ADK: variants seen among roughly 807,000 people sequenced by gnomAD.
ADK encodes the protein N6,N6-dimethyladenosine kinase.
In ADK, 24 loss-of-function variants were observed where a neutral mutation model predicts 44.7. The observed-to-expected ratio is 0.54, with a 90% confidence interval of 0.39 to 0.76. The LOEUF is 0.76. Ranked by LOEUF, ADK falls within the 30% of genes least tolerant of loss-of-function variation. The pLI is 0.00. For synonymous variants in ADK, 128 were observed against 142.6 expected (o/e 0.90, Z 0.73); for missense variants, 321 against 425.1 (o/e 0.76, Z 2.15).
intron 7 of ADK, among the ~76,000 whole-genome samples, chr10:74,567,287 G>A (rs1233627802): frequency 6.6e-6 from 1 of 152,156 alleles, no homozygotes; most frequent in Non-Finnish European, 1.5e-5. Context: ...GATCTGCCAT[G>A]TAAGAATTTT....
chr10:74,268,612 T>G (rs1398055931), intron 3 of ADK, among the ~76,000 whole-genome samples: 1 of 152,214 alleles, frequency 6.6e-6, no homozygotes, highest in Non-Finnish European at 1.5e-5. Context: ...TAAGCATGGT[T>G]ATTACCCAGA....
At chr10:74,200,967 T>G in intron 2 of ADK, 129 bp downstream of exon 2, 1 of 698,016 alleles carries the variant, frequency 1.4e-6, no homozygotes, top group Non-Finnish European at 2.5e-6. Flanking sequence ...TTAAGTTTGG[T>G]GATAGCAAGT....
intron 2 of ADK, among the ~76,000 whole-genome samples, chr10:74,206,141 G>A (rs1843588773): frequency 6.6e-6 from 1 of 152,082 alleles, no homozygotes; most frequent in South Asian, 2.1e-4. Flanking sequence ...AAAGTAAAGA[G>A]CAACTTAAAA....
Position 74,633,300 on chromosome 10 carries a change from A to C in ADK, c.877+32807A>C, listed in dbSNP as rs749812098. On this transcript the variant is annotated intron_variant, in intron 9 of 10. Coordinates refer to ENST00000539909, the MANE Select transcript of ADK (RefSeq NM_006721.4). ...CTTAATATATCTTAGAGATTGTTCC[A>C]TTTTTTTATAGCTGTATAATATTTC... Among the ~76,000 whole-genome samples the C allele has an allele frequency of 3.9e-5, 6 of 152,066 alleles. No individual in the cohort carries two copies. The East Asian group carries it at 7.7e-4, about 19-fold the overall frequency.
At chr10:74,505,858 C>T (rs1848053249) in intron 6 of ADK, among the ~76,000 whole-genome samples, 1 of 152,064 alleles carries the variant, frequency 6.6e-6, no homozygotes, top group Admixed American at 6.6e-5. Flanking sequence ...GCAAGTAGAC[C>T]ACTTTGACAC....
At chr10:74,659,821 A>T (rs996466917) in intron 9 of ADK, among the ~76,000 whole-genome samples, 5 of 152,034 alleles carry the variant, frequency 3.3e-5, no homozygotes, top group African/African-American at 1.2e-4. Flanking sequence ...TGCCTGCTTT[A>T]TATTCTCTGG....
intron 7 of ADK, among the ~76,000 whole-genome samples, chr10:74,546,155 G>A (rs2133753018): frequency 6.6e-6 from 1 of 152,268 alleles, no homozygotes; most frequent in East Asian, 1.9e-4. Context: ...GAGGAATACT[G>A]AAAAATAAAC....
intron 1 of ADK, among the ~76,000 whole-genome samples, chr10:74,167,529 GGGTA>G (rs1323930982): frequency 8.5e-5 from 13 of 152,236 alleles, no homozygotes; most frequent in African/African-American, 2.9e-4. Flanking sequence ...TTATGCCTTA[GGGTA>G]ACTGGAGGCT....
intron 1 of ADK, among the ~76,000 whole-genome samples, chr10:74,160,600 A>T (rs1234667869): frequency 6.6e-6 from 1 of 151,862 alleles, no homozygotes; most frequent in East Asian, 1.9e-4. Flanking sequence ...AGAGGTGGAG[A>T]TTTGGGCTGG....
At chr10:74,428,203 A>C (rs1844867371) in intron 6 of ADK, among the ~76,000 whole-genome samples, 1 of 152,182 alleles carries the variant, frequency 6.6e-6, no homozygotes, top group African/African-American at 2.4e-5. Context: ...CCCCGTTTCT[A>C]AATAAGCTCA....
chr10:74,469,712 A>T (rs947336003), intron 6 of ADK, among the ~76,000 whole-genome samples: 1 of 152,232 alleles, frequency 6.6e-6, no homozygotes, highest in Non-Finnish European at 1.5e-5. Context: ...AATTGTATGC[A>T]CATTGTGTGC....
chr10:74,460,149 G>C (rs909771599), intron 6 of ADK, among the ~76,000 whole-genome samples: 4 of 152,110 alleles, frequency 2.6e-5, no homozygotes, highest in African/African-American at 9.7e-5. Flanking sequence ...CGGCAAAAGG[G>C]CACCTGCTAT....
intron 8 of ADK, among the ~76,000 whole-genome samples, chr10:74,595,712 T>TTC (rs2133946049): frequency 0.017 from 2 of 118 alleles, no homozygotes; most frequent in South Asian, 0.5. Context: ...ATAGGCTATA[T>TTC]GGCCGGGTGT....
chr10:74,542,885 GTTAT>G (rs994384171), intron 7 of ADK, among the ~76,000 whole-genome samples: 5 of 146,288 alleles, frequency 3.4e-5, no homozygotes, highest in Non-Finnish European at 6.2e-5. Flanking sequence ...TTTTATTTTA[GTTAT>G]TTATTTATTT....
At chr10:74,653,705 AATTG>A (rs1227720420) in intron 9 of ADK, among the ~76,000 whole-genome samples, 1 of 152,206 alleles carries the variant, frequency 6.6e-6, no homozygotes, top group East Asian at 1.9e-4. Context: ...CTTCTGCTTA[AATTG>A]GATAAAATGG....
intron 3 of ADK, among the ~76,000 whole-genome samples, chr10:74,264,922 A>G (rs1421122711): frequency 1.3e-5 from 2 of 152,066 alleles, no homozygotes; most frequent in African/African-American, 2.4e-5. Flanking sequence ...CCATTGGTCT[A>G]TTTGTCCCTA....
chr10:74,591,354 G>A (rs550569663), intron 8 of ADK, among the ~76,000 whole-genome samples: 1 of 152,230 alleles, frequency 6.6e-6, no homozygotes, highest in South Asian at 2.1e-4. Context: ...AAACTGCTCT[G>A]TCAGTGATAT....
At chr10:74,705,090 A>T (rs902396416) in intron 10 of ADK, among the ~76,000 whole-genome samples, 2 of 152,226 alleles carry the variant, frequency 1.3e-5, no homozygotes, top group Non-Finnish European at 2.9e-5. Context: ...TGACTGGGAA[A>T]AGTCTGTGTG....
At chr10:74,426,355 A>T (rs1046107201) in intron 6 of ADK, among the ~76,000 whole-genome samples, 2 of 152,234 alleles carry the variant, frequency 1.3e-5, no homozygotes, top group Non-Finnish European at 2.9e-5. Flanking sequence ...ATTGGAAACC[A>T]TATAAATGAC....
Sources: allele counts gnomAD v4.1 joint callset (sites outside exome capture counted in the v4.1 genomes callset), GRCh38; gene constraint gnomAD v4.1.1; transcripts MANE v1.5; gene names NCBI Gene and HGNC (gene_info 2026-07-23, HGNC 2026-07-21).